ACACA: variants seen among roughly 807,000 people sequenced by gnomAD.
ACACA encodes the protein acetyl-CoA carboxylase 1.
Under a neutral mutation model 296.1 loss-of-function variants are expected in ACACA, and 103 were observed. That is an observed-to-expected ratio of 0.35 (90% CI 0.30 to 0.41). The LOEUF (loss-of-function observed/expected upper bound fraction) is 0.41. Ranked by LOEUF, ACACA falls within the 10% of genes least tolerant of loss-of-function variation. The probability of loss-of-function intolerance (pLI) is 1.00; values close to 1 mark genes in which losing one functional copy is unlikely to be tolerated. For synonymous variants in ACACA, 953 were observed against 1,038.6 expected, an observed-to-expected ratio of 0.92 and a Z score of 1.58; for missense variants, 1,554 against 2,989.7, an observed-to-expected ratio of 0.52 and a Z score of 11.20.
chr17:37,336,308 G>A (rs1184172038), intron 2 of ACACA, among the ~76,000 whole-genome samples: 3 of 152,044 alleles, frequency 2.0e-5, no homozygotes, highest in Non-Finnish European at 4.4e-5. Flanking sequence ...AGTGGTTGTT[G>A]GCCAACCTCC....
chr17:37,114,850 T>C (rs1314733012), intron 50 of ACACA, among the ~76,000 whole-genome samples: 17 of 152,192 alleles, frequency 1.1e-4, no homozygotes, highest in Admixed American at 1.1e-3. Flanking sequence ...ATAAATCAAT[T>C]CTGGGAATCC....
chr17:37,290,629 C>T (rs1382957272), intron 3 of ACACA, among the ~76,000 whole-genome samples: 1 of 152,166 alleles, frequency 6.6e-6, no homozygotes, highest in Non-Finnish European at 1.5e-5. Context: ...ACTTGATACC[C>T]TACAATACTG....
intron 45 of ACACA, chr17:37,143,807 C>A: frequency 8.1e-7 from 1 of 1,229,082 alleles, no homozygotes; most frequent in South Asian, 1.2e-5. Context: ...TTTCCTTTAG[C>A]TCAATATGCA....
chr17:37,251,981 T>C, intron 16 of ACACA, 24 bp downstream of exon 16: 1 of 1,600,342 alleles, frequency 6.2e-7, no homozygotes, highest in Non-Finnish European at 8.6e-7. Flanking sequence ...TTAGTTTGTG[T>C]AGCCTACAAG....
chr17:37,230,344 G>A (rs4795182), intron 25 of ACACA, among the ~76,000 whole-genome samples: 50,898 of 149,410 alleles, frequency 0.34, 10,895 homozygotes, highest in African/African-American at 0.6. Flanking sequence ...AGATCGCGCC[G>A]TTGCACTCCA....
At position 37,263,727 on chromosome 17, in the gene ACACA, A is replaced by G. The variant is rs1172984789; in HGVS notation, c.1287T>C (p.Pro429=). ...RRHQKIIEEA[P]ATIATPAVFE... ...ATACTGCTGGAGTAGCAATAGTAGC[A>G]GGTGCTTCTTCAATAATCTTCTGAT... The change falls in exon 11 of 56, where the codon CCT becomes CCC. Residue 429 remains proline (P), a synonymous_variant. Transcript: ENST00000616317. 6.2e-7 allele frequency: 1 copy of G among 1,614,118 alleles called. No homozygotes were observed. The highest frequency in any genetic ancestry group is 1.7e-5 in the Admixed American group (1 of 60,018).
intron 54 of ACACA, among the ~76,000 whole-genome samples, chr17:37,090,454 G>C (rs1172672111): frequency 6.6e-6 from 1 of 152,060 alleles, no homozygotes; most frequent in African/African-American, 2.4e-5. Context: ...TTCTTTTTCT[G>C]ACTCAAATGT....
At chr17:37,199,138 G>T (rs930450881) in intron 35 of ACACA, among the ~76,000 whole-genome samples, 4 of 151,958 alleles carry the variant, frequency 2.6e-5, no homozygotes, top group African/African-American at 9.7e-5. Flanking sequence ...TACTTGGGAG[G>T]CTGAGGCAGG....
chr17:37,209,985 T>C (rs1309615828), intron 30 of ACACA, among the ~76,000 whole-genome samples: 2 of 152,360 alleles, frequency 1.3e-5, no homozygotes, highest in Admixed American at 1.3e-4. Flanking sequence ...TTTAACACTT[T>C]AGAAAATTAA....
chr17:37,231,062 A>C (rs531985623), intron 25 of ACACA, among the ~76,000 whole-genome samples: 43 of 152,360 alleles, frequency 2.8e-4, no homozygotes, highest in African/African-American at 9.6e-4. Flanking sequence ...AAATACAACA[A>C]ACATGATAAA....
chr17:37,239,982 T>G (rs2080310628), intron 24 of ACACA, among the ~76,000 whole-genome samples: 2 of 152,360 alleles, frequency 1.3e-5, no homozygotes, highest in South Asian at 2.1e-4. Context: ...AGAGACAATT[T>G]ATCATTTAGT....
intron 41 of ACACA, among the ~76,000 whole-genome samples, chr17:37,172,640 T>A (rs1378439700): frequency 6.6e-6 from 1 of 152,152 alleles, no homozygotes; most frequent in African/African-American, 2.4e-5. Flanking sequence ...CTATACTTAA[T>A]CTCAAGGATT....
chr17:37,188,192 T>G (rs899541968), intron 39 of ACACA, 85 bp downstream of exon 39: 8 of 1,299,052 alleles, frequency 6.2e-6, no homozygotes, highest in Non-Finnish European at 8.8e-6. Context: ...ATGGGATTTG[T>G]GAGTGTGGGT....
At chr17:37,240,423 G>A in intron 24 of ACACA, 53 bp downstream of exon 24, 1 of 1,523,162 alleles carries the variant, frequency 6.6e-7, no homozygotes, top group East Asian at 2.3e-5. Flanking sequence ...AGTTTGGGTT[G>A]GTTATCAGAA....
At chr17:37,095,560 C>T (rs2142662322) in intron 54 of ACACA, among the ~76,000 whole-genome samples, 1 of 152,328 alleles carries the variant, frequency 6.6e-6, no homozygotes, top group Admixed American at 6.5e-5. Flanking sequence ...ACTTTCTAGG[C>T]AGAGGCCAGA....
intron 38 of ACACA, among the ~76,000 whole-genome samples, chr17:37,188,978 T>C (rs1456320033): frequency 6.6e-6 from 1 of 152,224 alleles, no homozygotes; most frequent in East Asian, 1.9e-4. Flanking sequence ...TATATGTCTC[T>C]TGGTAAATTG....
At chr17:37,221,652 T>C in intron 29 of ACACA, 72 bp downstream of exon 29, 1 of 1,221,710 alleles carries the variant, frequency 8.2e-7, no homozygotes, top group Non-Finnish European at 1.2e-6. Flanking sequence ...GGAATTGTCA[T>C]ACACATTACT....
At chr17:37,390,318 A>AT (rs1485561896) in intron 1 of ACACA, among the ~76,000 whole-genome samples, 719 of 52,176 alleles carry the variant, frequency 0.014, 98 homozygotes, top group Middle Eastern at 0.067. Flanking sequence ...ATATATATAT[A>AT]TATATATATA....
At chr17:37,237,047 C>T (rs1212925987) in intron 24 of ACACA, among the ~76,000 whole-genome samples, 1 of 152,020 alleles carries the variant, frequency 6.6e-6, no homozygotes, top group East Asian at 1.9e-4. Context: ...GTTAATTATT[C>T]TTTTGTTTTT....
Sources: gnomAD v4.1 joint callset for allele counts (sites outside exome capture counted in the v4.1 genomes callset) on GRCh38, gnomAD v4.1.1 for gene constraint, MANE v1.5 for transcripts, NCBI Gene and HGNC (gene_info 2026-07-23, HGNC 2026-07-21) for gene names.